BMP7: variants seen among roughly 807,000 people sequenced by gnomAD.
BMP7 encodes osteogenic protein 1.
Under a neutral mutation model 41.2 loss-of-function variants are expected in BMP7, and 12 were observed. The ratio of observed to expected loss-of-function variants is 0.29; its 90% CI spans 0.19 to 0.47. The LOEUF (loss-of-function observed/expected upper bound fraction) is 0.47. BMP7 is among the 20% of genes least tolerant of loss of function. BMP7 has a pLI of 0.99. For synonymous variants in BMP7, 248 were observed against 250.0 expected (o/e 0.99, Z 0.07); for missense variants, 467 against 606.0 (o/e 0.77, Z 2.41).
At chr20:57,197,885 G>T (rs2123084096) in intron 3 of BMP7, among the ~76,000 whole-genome samples, 1 of 152,322 alleles carries the variant, frequency 6.6e-6, no homozygotes, top group South Asian at 2.1e-4. Flanking sequence ...AGGGGCAGGG[G>T]TGCCAGAGTA....
intron 1 of BMP7, among the ~76,000 whole-genome samples, chr20:57,230,104 A>T (rs1413840716): frequency 6.6e-6 from 1 of 152,102 alleles, no homozygotes; most frequent in Non-Finnish European, 1.5e-5. Context: ...TGGGCCATAT[A>T]TGGAGAGCTG....
chr20:57,217,485 ACCCCGTGTGGCTGTG>A, intron 2 of BMP7, among the ~76,000 whole-genome samples: 1 of 152,306 alleles, frequency 6.6e-6, no homozygotes, highest in South Asian at 2.1e-4. Context: ...CAGTCTGGGG[ACCCCGTGTGGCTGTG>A]ACCCACGTCA....
intron 1 of BMP7, among the ~76,000 whole-genome samples, chr20:57,250,396 T>A: frequency 6.7e-6 from 1 of 148,508 alleles, no homozygotes; most frequent in Non-Finnish European, 1.5e-5. Flanking sequence ...CCAGGCATGG[T>A]GATACATGCC....
Position 57,170,174 on chromosome 20 carries a change from C to G in BMP7, c.*785G>C, listed in dbSNP as rs1181006450. The G allele has an allele frequency of 6.5e-6, 1 of 153,076 alleles. No individual in the cohort carries two copies. Among genetic ancestry groups the G allele is most frequent in the African/African-American group, 2.4e-5 (1 of 41,444 alleles). The allele number at this position is 153,076 out of a possible 1,614,324, so 9.5% of individuals were successfully genotyped here. A position where few individuals can be genotyped will look rare whatever the true frequency, so the allele number is the denominator to read the frequency against. On this transcript the variant is annotated 3_prime_UTR_variant, in exon 7 of 7. Transcript: ENST00000395863. ...CTGGGGCGAGGTGAAAAGCCAATCC[C>G]AAATGTCTGCGGGTATTTCACACAC...
At chr20:57,210,275 C>T (rs1036475431) in intron 2 of BMP7, among the ~76,000 whole-genome samples, 1 of 152,198 alleles carries the variant, frequency 6.6e-6, no homozygotes. Context: ...CTCCCAAGGA[C>T]GCCCAGGTGA....
Position 57,224,692 on chromosome 20 carries a change from G to C in BMP7, c.611+3537C>G, listed in dbSNP as rs1458885352. ...GTTCAGAAAATGAGGATAAGACTCC[G>C]ATCCTTTCGCAGCCCCCTCTCACCC... On this transcript the variant is annotated intron_variant, in intron 2 of 6. Coordinates refer to ENST00000395863, the MANE Select transcript of BMP7 (RefSeq NM_001719.3). The surrounding 1 kb of genome is among the most constrained non-coding windows in gnomAD (Gnocchi z 4.8). The C allele has an allele frequency of 1.3e-5, 2 of 152,282 alleles. No homozygotes were observed. The highest frequency in any genetic ancestry group is 1.3e-4 in the Admixed American group (2 of 15,280). 9.4% of individuals were successfully genotyped at this position (152,282 alleles called of 1,614,324 possible). A position where few individuals can be genotyped will look rare whatever the true frequency, so the allele number is the denominator to read the frequency against.
chr20:57,221,115 A>T (rs1393244364), intron 2 of BMP7, among the ~76,000 whole-genome samples: 1 of 152,150 alleles, frequency 6.6e-6, no homozygotes, highest in Non-Finnish European at 1.5e-5. Context: ...GAGCAAAACG[A>T]ACAAAACTCC....
At chr20:57,198,893 G>A (rs1397436461) in intron 3 of BMP7, among the ~76,000 whole-genome samples, 1 of 152,192 alleles carries the variant, frequency 6.6e-6, no homozygotes, top group Non-Finnish European at 1.5e-5. Flanking sequence ...CATGAGAAAA[G>A]CAAGGCCCCA....
At chr20:57,179,049 A>C (rs540873522) in intron 4 of BMP7, among the ~76,000 whole-genome samples, 1 of 152,338 alleles carries the variant, frequency 6.6e-6, no homozygotes, top group South Asian at 2.1e-4. Flanking sequence ...AAGGCCGAGC[A>C]CAGCTCATGA....
At chr20:57,258,830 A>G (rs796899391) in intron 1 of BMP7, among the ~76,000 whole-genome samples, 93 of 152,370 alleles carry the variant, frequency 6.1e-4, no homozygotes, top group African/African-American at 2.1e-3. Flanking sequence ...GTATTTTAAG[A>G]TTAAGTACTT....
At chr20:57,229,959 G>A (rs1440775698) in intron 1 of BMP7, among the ~76,000 whole-genome samples, 5 of 152,184 alleles carry the variant, frequency 3.3e-5, no homozygotes, top group African/African-American at 4.8e-5. Context: ...GGAATTACCC[G>A]CTCAGGCTGT....
chr20:57,192,715 T>C (rs1984400029), intron 3 of BMP7, among the ~76,000 whole-genome samples: 1 of 151,942 alleles, frequency 6.6e-6, no homozygotes, highest in Non-Finnish European at 1.5e-5. Context: ...TAATAGTTTT[T>C]TTTTAAAGCC....
chr20:57,262,757 G>A (rs746347705), intron 1 of BMP7, among the ~76,000 whole-genome samples: 16 of 152,078 alleles, frequency 1.1e-4, no homozygotes, highest in Non-Finnish European at 2.4e-4. Context: ...ATAATAAGAA[G>A]TAATAGTTTG....
At chr20:57,257,755 CAGG>C (rs147025638) in intron 1 of BMP7, among the ~76,000 whole-genome samples, 21,234 of 141,836 alleles carry the variant, frequency 0.15, 1,624 homozygotes, top group Admixed American at 0.24. Flanking sequence ...TGTGCATGGG[CAGG>C]AGAATAAGGC....
intron 2 of BMP7, among the ~76,000 whole-genome samples, chr20:57,226,742 G>A (rs961873433): frequency 2.0e-5 from 3 of 152,132 alleles, no homozygotes; most frequent in South Asian, 2.1e-4. Flanking sequence ...CCTCAGCAGG[G>A]GCTGGAAGCC....
chr20:57,173,675 G>A (rs1983861134), intron 5 of BMP7: 2 of 348,048 alleles, frequency 5.7e-6, no homozygotes, highest in Non-Finnish European at 1.1e-5. Flanking sequence ...AAAGCCCCAC[G>A]GGGCTTGGCT....
chr20:57,181,546 A>G (rs1201426077), intron 4 of BMP7, among the ~76,000 whole-genome samples: 1 of 152,238 alleles, frequency 6.6e-6, no homozygotes, highest in Non-Finnish European at 1.5e-5. Flanking sequence ...CACTTTGCCA[A>G]CAAAGATGTA....
intron 4 of BMP7, among the ~76,000 whole-genome samples, chr20:57,178,703 G>GC (rs1983995546): frequency 6.6e-6 from 1 of 152,138 alleles, no homozygotes; most frequent in Non-Finnish European, 1.5e-5. Flanking sequence ...CTTCCCTGTG[G>GC]GGGGGTAGAA....
intron 2 of BMP7, among the ~76,000 whole-genome samples, chr20:57,226,872 G>T (rs1411556826): frequency 6.7e-6 from 1 of 148,724 alleles, no homozygotes; most frequent in African/African-American, 2.5e-5. Flanking sequence ...TGTCACCCAG[G>T]CTGGAGTGCG....
Sources: allele counts gnomAD v4.1 joint callset (sites outside exome capture counted in the v4.1 genomes callset), GRCh38; gene constraint gnomAD v4.1.1; non-coding constraint Gnocchi (gnomAD v3.1); transcripts MANE v1.5; gene names NCBI Gene and HGNC (gene_info 2026-07-23, HGNC 2026-07-21).